The following ANAPC10 variants were observed in gnomAD, a reference collection of about 807,000 sequenced individuals.
ANAPC10 encodes the protein anaphase-promoting complex subunit 10.
A neutral mutation model predicts 22.0 loss-of-function variants in ANAPC10; 12 were observed. The observed-to-expected ratio is 0.55, with a 90% confidence interval of 0.35 to 0.88. The LOEUF (loss-of-function observed/expected upper bound fraction) is 0.88, where lower values mean the gene tolerates loss of function less well. Among genes scored for constraint, ANAPC10 ranks in the 40% least tolerant of loss-of-function variants. The probability of loss-of-function intolerance (pLI) is 0.01; values close to 1 mark genes in which losing one functional copy is unlikely to be tolerated. For synonymous variants in ANAPC10, 65 were observed against 69.5 expected (o/e 0.94, Z 0.32); for missense variants, 188 against 220.9 (o/e 0.85, Z 0.94).
intron 4 of ANAPC10, among the ~76,000 whole-genome samples, chr4:145,055,697 T>G (rs1741965958): frequency 6.6e-6 from 1 of 152,098 alleles, no homozygotes; most frequent in African/African-American, 2.4e-5. Flanking sequence ...ATATGAGGTA[T>G]CTAAAGCAGT....
At chr4:145,028,337 GCTT>G (rs201782585) in intron 4 of ANAPC10, among the ~76,000 whole-genome samples, 2,146 of 152,246 alleles carry the variant, frequency 0.014, 48 homozygotes, top group African/African-American at 0.049. Context: ...CATGATGGAT[GCTT>G]CCTGCCTTCG....
intron 4 of ANAPC10, among the ~76,000 whole-genome samples, chr4:145,058,439 T>C (rs1433143864): frequency 6.6e-6 from 1 of 151,142 alleles, no homozygotes; most frequent in Non-Finnish European, 1.5e-5. Flanking sequence ...CATAGCCACC[T>C]CCAGGTACTT....
intron 3 of ANAPC10, among the ~76,000 whole-genome samples, chr4:145,070,179 G>A (rs757952240): frequency 2.0e-5 from 3 of 152,124 alleles, no homozygotes; most frequent in Non-Finnish European, 2.9e-5. Flanking sequence ...GGCTAAATGT[G>A]GACCGCCACC....
intron 4 of ANAPC10, among the ~76,000 whole-genome samples, chr4:145,019,439 C>T (rs538708124): frequency 5.9e-5 from 9 of 152,178 alleles, no homozygotes; most frequent in African/African-American, 2.2e-4. Flanking sequence ...TGGGATACAG[C>T]AAAGGTGGTG....
chr4:145,023,791 G>A lies in ANAPC10; in HGVS notation c.328-28188C>T, dbSNP rs144815310. 9.2e-5 allele frequency among the ~76,000 whole-genome samples: 14 copies of A among 152,242 alleles called. No homozygotes were observed. In the South Asian group the frequency reaches 1.7e-3, roughly 18 times the overall value. ...GCTACTGACTGATCAGGGTGGTGTC[G>A]CTGAAGGTTTGGGTGGCTGTAGAAA... On this transcript the variant is annotated intron_variant, in intron 4 of 4. Transcript: ENST00000507656.
rs1371479983 is a variant in ANAPC10 at position 145,016,290 on chromosome 4, A to G, written c.328-20687T>C. ...AGCAGAGTCTCAGGATACAAAATCA[A>G]TGTGCAAAAATCACAAGCATTCTTA... On this transcript the variant is annotated intron_variant, in intron 4 of 4. Transcript: ENST00000507656. Among the ~76,000 whole-genome samples the G allele has an allele frequency of 2.6e-5, 4 of 152,342 alleles. No individual in the cohort carries two copies. In the East Asian group the frequency reaches 7.7e-4, roughly 29 times the overall value.
chr4:145,065,211 T>C (rs1275381381), intron 3 of ANAPC10, among the ~76,000 whole-genome samples: 1 of 152,018 alleles, frequency 6.6e-6, no homozygotes, highest in African/African-American at 2.4e-5. Flanking sequence ...GCTGATTCTT[T>C]CTTTCTTTCT....
intron 4 of ANAPC10, chr4:144,999,158 T>G (rs1412663615): frequency 6.6e-6 from 1 of 152,204 alleles, no homozygotes; most frequent in Admixed American, 6.5e-5. Context: ...TAGGACCAGA[T>G]GGATTAAGAG....
At chr4:145,055,917 T>C (rs993312083) in intron 4 of ANAPC10, among the ~76,000 whole-genome samples, 6 of 152,226 alleles carry the variant, frequency 3.9e-5, no homozygotes, top group Non-Finnish European at 7.3e-5. Context: ...TTGTGGTATA[T>C]GTTTTTTGCA....
At position 145,081,707 on chromosome 4, in the gene ANAPC10, A is replaced by G. The variant is rs570980930; in HGVS notation, c.159T>C (p.Tyr53=). The change falls in exon 3 of 5, where the codon TAT becomes TAC. Residue 53 remains tyrosine, a synonymous_variant. Transcript: ENST00000507656. The stretch of plus-strand genomic sequence containing the variant: ...GAGGCTGGGAACCATCTGATTGCCA[A>G]TAAGTTTCTAGATTGTCATCTCGTA... ...DQLRDDNLET[Y]WQSDGSQPHL... The G allele has an allele frequency of 1.9e-5, 30 of 1,612,954 alleles. No homozygotes were observed. Among genetic ancestry groups the G allele is most frequent in the Admixed American group, 1.0e-4 (6 of 59,984 alleles).
chr4:145,007,074 C>G (rs978855472), intron 4 of ANAPC10, among the ~76,000 whole-genome samples: 1 of 152,130 alleles, frequency 6.6e-6, no homozygotes, highest in Non-Finnish European at 1.5e-5. Flanking sequence ...AGCTCCAGTG[C>G]ACAGGTCACA....
At chr4:145,008,784 A>G (rs1396632483) in intron 4 of ANAPC10, among the ~76,000 whole-genome samples, 2 of 152,222 alleles carry the variant, frequency 1.3e-5, no homozygotes, top group African/African-American at 4.8e-5. Flanking sequence ...GGCACGAGAC[A>G]GGGATGCCCT....
At chr4:145,003,914 T>G (rs1164265790) in intron 4 of ANAPC10, among the ~76,000 whole-genome samples, 1 of 152,218 alleles carries the variant, frequency 6.6e-6, no homozygotes, top group Non-Finnish European at 1.5e-5. Flanking sequence ...GCACTGAATC[T>G]GTAAATAGCT....
At chr4:145,042,861 C>A (rs1377978323) in intron 4 of ANAPC10, among the ~76,000 whole-genome samples, 11 of 151,572 alleles carry the variant, frequency 7.3e-5, no homozygotes, top group African/African-American at 2.7e-4. Flanking sequence ...ATTTCAATAC[C>A]CTAACTGCTT....
At chr4:145,044,409 C>T (rs1025554942) in intron 4 of ANAPC10, among the ~76,000 whole-genome samples, 18 of 152,074 alleles carry the variant, frequency 1.2e-4, no homozygotes, top group Non-Finnish European at 2.4e-4. Context: ...GTGTTTCTCT[C>T]TAACGTTTTG....
intron 4 of ANAPC10, among the ~76,000 whole-genome samples, chr4:145,046,376 C>G (rs1458027984): frequency 6.6e-6 from 1 of 152,060 alleles, no homozygotes; most frequent in African/African-American, 2.4e-5. Flanking sequence ...AATTCAAAGT[C>G]ATCCATATTA....
chr4:145,059,321 GCTACTGAAATA>G (rs1742530182), intron 4 of ANAPC10, among the ~76,000 whole-genome samples: 1 of 152,058 alleles, frequency 6.6e-6, no homozygotes, highest in Non-Finnish European at 1.5e-5. Flanking sequence ...ACATGGTTGT[GCTACTGAAATA>G]AGACACAAGT....
chr4:145,090,867 TTG>T (rs1343212575), intron 2 of ANAPC10, among the ~76,000 whole-genome samples: 2 of 152,218 alleles, frequency 1.3e-5, no homozygotes, highest in African/African-American at 4.8e-5. Flanking sequence ...ACAGTAAAGA[TTG>T]TGTCTTTTTT....
At position 145,051,907 on chromosome 4, in the gene ANAPC10, A is replaced by G. The variant is rs1741158657; in HGVS notation, c.327+12665T>C. 2.0e-5 allele frequency among the ~76,000 whole-genome samples: 3 copies of G among 152,196 alleles called. No individual in the cohort carries two copies. In the South Asian group the frequency reaches 6.2e-4, roughly 31 times the overall value. Reference sequence around the variant, plus strand: ...ATAATCGCAGAGTACCTTTTAGTCAACCTCAGAGGATTTCACATAGTCTGA... The same window carrying G: ...ATAATCGCAGAGTACCTTTTAGTCAGCCTCAGAGGATTTCACATAGTCTGA... On this transcript the variant is annotated intron_variant, in intron 4 of 4. Transcript: ENST00000507656.
Sources: allele counts gnomAD v4.1 joint callset (sites outside exome capture counted in the v4.1 genomes callset), GRCh38; gene constraint gnomAD v4.1.1; transcripts MANE v1.5; gene names NCBI Gene and HGNC (gene_info 2026-07-23, HGNC 2026-07-21).